Variants in RFX6 observed in about 807,000 individuals in gnomAD.
The protein encoded by RFX6 is regulatory factor X6.
In RFX6, 50 loss-of-function variants were observed where a neutral mutation model predicts 110.8. The ratio of observed to expected loss-of-function variants is 0.45; its 90% CI spans 0.36 to 0.57. The LOEUF (loss-of-function observed/expected upper bound fraction) is 0.57. RFX6 is among the 20% of genes least tolerant of loss of function. The probability of loss-of-function intolerance (pLI) is 0.00; values close to 1 mark genes in which losing one functional copy is unlikely to be tolerated. For synonymous variants in RFX6, 383 were observed against 411.2 expected (o/e 0.93, Z 0.83); for missense variants, 990 against 1,127.0 (o/e 0.88, Z 1.74).
Position 116,928,963 on chromosome 6 carries a change from C to T in RFX6, c.2603C>T (p.Pro868Leu). 6.3e-7 allele frequency: 1 copy of T among 1,598,978 alleles called. No individual in the cohort carries two copies. The highest frequency in any genetic ancestry group is 8.6e-7 in the Non-Finnish European group (1 of 1,166,102). Residue 868 changes from proline to leucine, a missense_variant, in exon 18 of 19, where the codon CCA (proline) becomes CTA (leucine). By Grantham distance (98) the Pro-to-Leu change is moderately conservative. This residue lies in a region of RFX6 where 438 missense variants were observed against 441.9 expected (regional missense o/e 0.99). Coordinates refer to ENST00000332958, the MANE Select transcript of RFX6 (RefSeq NM_173560.4). ...DTSSPVACRT[P>L]VLASSLQTPI... is the part of the protein sequence containing the mutation. ...TCATCTCCAGTTGCATGTCGAACTC[C>T]AGTCCTAGGTAAATTATTTTAGCAG...
chr6:116,878,045 C>A, intron 2 of RFX6, 93 bp downstream of exon 2: 2 of 1,337,184 alleles, frequency 1.5e-6, no homozygotes, highest in Non-Finnish European at 2.1e-6. Flanking sequence ...TTACTTCTTC[C>A]TCAAACTTTT....
chr6:116,882,342 C>T, intron 3 of RFX6, 25 bp from the exon 4 acceptor site: 1 of 1,593,170 alleles, frequency 6.3e-7, no homozygotes, highest in Admixed American at 1.7e-5. Flanking sequence ...TTTCTAACGC[C>T]TAAAGTAATC....
chr6:116,881,856 T>C (rs888430035), intron 3 of RFX6, among the ~76,000 whole-genome samples: 11 of 152,160 alleles, frequency 7.2e-5, no homozygotes, highest in Middle Eastern at 3.2e-3. Flanking sequence ...AAAATTGTTT[T>C]ATGTAGAAGA....
rs1775638661 is a variant in RFX6, at chr6:116,923,164, T to TGGA, written c.1497_1499dup (p.Trp499_Ser500insArg). Reference sequence around the variant, plus strand: ...GAGAGCTCAAGACTTTCTGTTAAAGTGGAGTTTTTTTGGTGCTCGAGTAAT... The same window carrying TGGA: ...GAGAGCTCAAGACTTTCTGTTAAAGTGGAGGAGTTTTTTTGGTGCTCGAGTAAT... On this transcript the variant is annotated inframe_insertion, in exon 14 of 19. Transcript: ENST00000332958. 1 of 1,610,924 alleles carries TGGA rather than the reference T, an allele frequency of 6.2e-7. No individual in the cohort carries two copies.
At chr6:116,889,337 T>G (rs1774770037) in intron 4 of RFX6, among the ~76,000 whole-genome samples, 1 of 152,152 alleles carries the variant, frequency 6.6e-6, no homozygotes, top group South Asian at 2.1e-4. Context: ...TTTTTCTTCG[T>G]ACTAATTTTT....
Position 116,925,653 on chromosome 6 carries a change from C to T in RFX6, c.1879C>T (p.Leu627Phe). 6.2e-7 allele frequency: 1 copy of T among 1,611,426 alleles called. No individual in the cohort carries two copies. The highest frequency in any genetic ancestry group is 8.5e-7 in the Non-Finnish European group (1 of 1,177,640). The change falls in exon 16 of 19, where the codon CTC (leucine) becomes TTC (phenylalanine). Residue 627 changes from leucine (L) to phenylalanine (F), a missense_variant. Around this residue, in one of 5 missense-constraint regions of RFX6, gnomAD observed 438 missense variants for 441.9 expected, o/e 0.99. Transcript: ENST00000332958. ...TGCTGGGAACACAGACAACATGCCGCTCACAGGTACGCTAAAGAGAACTGC... is the reference window on the plus strand; with the variant it reads ...TGCTGGGAACACAGACAACATGCCGTTCACAGGTACGCTAAAGAGAACTGC... Reference protein sequence around the residue: ...FPAGNTDNMPLTGQMELSQIA... With the variant: ...FPAGNTDNMPFTGQMELSQIA...
rs765521990 is a variant in RFX6 at position 116,877,436 on chromosome 6, G to C, written c.161G>C (p.Gly54Ala). ...TACCTGGCGGCCGAAGGGCAGCCCG[G>C]GGGCGAGCAGGGCGGCGGGGAGAAA... ...TVYLAAEGQPGGEQGGGEKGE... is the reference protein window; with the variant it reads ...TVYLAAEGQPAGEQGGGEKGE... Residue 54 changes from glycine (G) to alanine (A), a missense_variant, in exon 1 of 19, where the codon GGG (glycine) becomes GCG (alanine). Transcript: ENST00000332958. 1 of 1,590,432 alleles carries C rather than the reference G, an allele frequency of 6.3e-7. No individual in the cohort carries two copies. The highest frequency in any genetic ancestry group is 1.8e-5 in the Admixed American group (1 of 56,838).
In RFX6 at chr6:116,916,327, G is replaced by T. The variant is rs745847321; in HGVS notation, c.972+13G>T. On this transcript the variant is annotated intron_variant, in intron 9 of 18. Coordinates refer to ENST00000332958, the MANE Select transcript of RFX6 (RefSeq NM_173560.4). ...AATTCTTTATAAGGTAAGCACTTTGGGATGTCTTAAACATGAGCCATTTAT... is the reference window on the plus strand; with the variant it reads ...AATTCTTTATAAGGTAAGCACTTTGTGATGTCTTAAACATGAGCCATTTAT... The T allele has an allele frequency of 6.8e-6, 10 of 1,479,310 alleles. No homozygotes were observed. The Admixed American group carries it at 1.5e-4, about 22-fold the overall frequency. The allele number at this position is 1,479,310 out of a possible 1,614,324, so 91.6% of individuals were successfully genotyped here. A position where few individuals can be genotyped will look rare whatever the true frequency, so the allele number is the denominator to read the frequency against.
chr6:116,918,005 G>T, intron 9 of RFX6, 32 bp from the exon 10 acceptor site: 1 of 1,503,396 alleles, frequency 6.7e-7, no homozygotes, highest in Non-Finnish European at 9.2e-7. Context: ...ACTAAGTAAA[G>T]ATTTGTATTA....
At chr6:116,929,120 G>A in intron 18 of RFX6, 149 bp downstream of exon 18, 1 of 681,882 alleles carries the variant, frequency 1.5e-6, no homozygotes, top group East Asian at 2.7e-5. Context: ...TATATTTTTT[G>A]TATCTGACTA....
intron 2 of RFX6, 104 bp from the exon 3 acceptor site, chr6:116,880,440 A>T: frequency 1.0e-6 from 1 of 970,320 alleles, no homozygotes; most frequent in Non-Finnish European, 1.6e-6. Flanking sequence ...TCTACTCATT[A>T]CCTCATTTAT....
intron 4 of RFX6, among the ~76,000 whole-genome samples, chr6:116,882,879 C>G (rs901494426): frequency 8.5e-5 from 13 of 152,148 alleles, no homozygotes; most frequent in African/African-American, 3.1e-4. Flanking sequence ...ATGACATGCA[C>G]AGATGACCTG....
At chr6:116,889,667 T>A (rs1023091495) in intron 4 of RFX6, among the ~76,000 whole-genome samples, 1 of 152,122 alleles carries the variant, frequency 6.6e-6, no homozygotes, top group African/African-American at 2.4e-5. Context: ...GTCATCCTGA[T>A]AGTAATAGTC....
intron 17 of RFX6, 110 bp from the exon 18 acceptor site, chr6:116,928,649 C>T: frequency 2.6e-6 from 2 of 763,906 alleles, no homozygotes; most frequent in Non-Finnish European, 2.4e-6. Context: ...ACATGTAATA[C>T]TTACAGTTTG....
chr6:116,903,824 C>T (rs997637083), intron 6 of RFX6, among the ~76,000 whole-genome samples: 4 of 151,858 alleles, frequency 2.6e-5, no homozygotes, highest in African/African-American at 7.3e-5. Context: ...AGGAAACTAT[C>T]CCAATGCGTT....
intron 4 of RFX6, among the ~76,000 whole-genome samples, chr6:116,888,732 C>T (rs1368371574): frequency 1.3e-5 from 2 of 152,092 alleles, no homozygotes; most frequent in Non-Finnish European, 2.9e-5. Context: ...TAACATACAC[C>T]AGCATATCTT....
chr6:116,898,888 A>G (rs1295545803), intron 6 of RFX6, among the ~76,000 whole-genome samples: 2 of 152,224 alleles, frequency 1.3e-5, no homozygotes, highest in African/African-American at 4.8e-5. Context: ...GAGAGAATAT[A>G]GCCCTAATGC....
At chr6:116,897,996 A>G (rs1241302664) in intron 6 of RFX6, among the ~76,000 whole-genome samples, 1 of 152,148 alleles carries the variant, frequency 6.6e-6, no homozygotes, top group Non-Finnish European at 1.5e-5. Flanking sequence ...TTACCAAAAA[A>G]AAGTTGTGAA....
intron 12 of RFX6, among the ~76,000 whole-genome samples, chr6:116,921,338 A>G (rs915116927): frequency 1.3e-5 from 2 of 152,190 alleles, no homozygotes; most frequent in Non-Finnish European, 2.9e-5. Flanking sequence ...GCTGAGAAGA[A>G]ATTAACTTTT....
Sources: allele counts gnomAD v4.1 joint callset (sites outside exome capture counted in the v4.1 genomes callset), GRCh38; gene constraint gnomAD v4.1.1; regional missense constraint gnomAD v4.1.1; transcripts MANE v1.5; gene names NCBI Gene and HGNC (gene_info 2026-07-23, HGNC 2026-07-21).